TBX10: variants seen among roughly 807,000 people sequenced by gnomAD.
The protein encoded by TBX10 is T-box transcription factor 10.
Under a neutral mutation model 32.4 loss-of-function variants are expected in TBX10, and 26 were observed. That is an observed-to-expected ratio of 0.80 (90% CI 0.59 to 1.11). The LOEUF (loss-of-function observed/expected upper bound fraction) is 1.11, where lower values mean the gene tolerates loss of function less well. Among genes scored for constraint, TBX10 ranks in the 50% most tolerant of loss-of-function variants. The pLI, the probability that TBX10 is intolerant of heterozygous loss-of-function variation, is 0.00. For synonymous variants in TBX10, 195 were observed against 203.1 expected (o/e 0.96, Z 0.34); for missense variants, 490 against 494.5 (o/e 0.99, Z 0.09).
chr11:67,634,104 G>T, intron 4 of TBX10, 85 bp downstream of exon 4: 2 of 1,579,646 alleles, frequency 1.3e-6, no homozygotes, highest in Non-Finnish European at 1.7e-6. Context: ...AGGCAGAGGT[G>T]CTGGGCACCA....
In TBX10 at chr11:67,639,540, G is replaced by C; in HGVS notation, c.-68C>G. The C allele has an allele frequency of 6.2e-7, 1 of 1,607,844 alleles. No individual in the cohort carries two copies. The highest frequency in any genetic ancestry group is 8.5e-7 in the Non-Finnish European group (1 of 1,176,674). ...GCTGGGGCTGGGAACCTGCCTGCTG[G>C]AAGGGGTGGTCACCACTCGTCCACT... On this transcript the variant is annotated 5_prime_UTR_variant, in exon 1 of 8. Coordinates refer to ENST00000335385, the MANE Select transcript of TBX10 (RefSeq NM_005995.5).
At chr11:67,632,858 CTG>C in intron 5 of TBX10, 88 bp downstream of exon 5, 4 of 1,604,666 alleles carry the variant, frequency 2.5e-6, no homozygotes, top group African/African-American at 1.3e-5. Flanking sequence ...GGGCAGTAGT[CTG>C]TGCCAGTGAG....
In TBX10 at chr11:67,634,747, G is replaced by GAAA. The variant is rs1451827905; in HGVS notation, c.377+68_377+69insTTT. 3 of 1,488,148 alleles carry GAAA rather than the reference G, an allele frequency of 2.0e-6. No homozygotes were observed. In the African/African-American group the frequency reaches 4.1e-5, roughly 21 times the overall value. 92.2% of individuals were successfully genotyped at this position (1,488,148 alleles called of 1,614,324 possible). On this transcript the variant is annotated intron_variant, in intron 3 of 7. Coordinates refer to ENST00000335385, the MANE Select transcript of TBX10 (RefSeq NM_005995.5). ...ACAGGCCCCTGCCTCACCTTGGGGT[G>GAAA]CAGGAAGGGTCTAATTCCTGGTCTC...
At chr11:67,636,240 C>G (rs1485320147) in intron 1 of TBX10, among the ~76,000 whole-genome samples, 2 of 117,666 alleles carry the variant, frequency 1.7e-5, no homozygotes, top group African/African-American at 5.3e-5. Flanking sequence ...CACCACCACA[C>G]ACGGCTACTT....
At chr11:67,639,393 TCCCACCCTGCCCA>T in intron 1 of TBX10, 60 bp downstream of exon 1, 11 of 726,854 alleles carry the variant, frequency 1.5e-5, no homozygotes, top group Non-Finnish European at 2.5e-5. Context: ...CTGTCTTGGT[TCCCACCCTGCCCA>T]CCCACCCTGG....
intron 1 of TBX10, among the ~76,000 whole-genome samples, chr11:67,638,621 G>A (rs1384209705): frequency 6.6e-6 from 1 of 152,240 alleles, no homozygotes; most frequent in Non-Finnish European, 1.5e-5. Context: ...CTCTTAGTAG[G>A]TGCCTGGGGA....
Position 67,632,385 on chromosome 11 carries a change from A to G in TBX10, c.801T>C (p.Ser267=). The G allele has an allele frequency of 6.2e-7, 1 of 1,613,076 alleles. No individual in the cohort carries two copies. The highest frequency in any genetic ancestry group is 8.5e-7 in the Non-Finnish European group (1 of 1,180,004). Residue 267 remains serine, a synonymous_variant, in exon 7 of 8, where the codon AGT becomes AGC. Transcript: ENST00000335385. ...GGCTGCTGTGACTCCGGGCTGGGAC[A>G]CTGAGCAGGGGCCGTGGGGCCACAG... ...SWPVAPRPLL[S]VPARSHSSLS...
Position 67,633,752 on chromosome 11 carries a change from C to T in TBX10, c.549+437G>A, listed in dbSNP as rs578252126. ...CAGCACCCTTTCTCCGCCCCCCTTC[C>T]GTACCTCTGCTTCCTCTTTGGCATT... On this transcript the variant is annotated intron_variant, in intron 4 of 7. Coordinates refer to ENST00000335385, the MANE Select transcript of TBX10 (RefSeq NM_005995.5). 9.2e-5 allele frequency among the ~76,000 whole-genome samples: 14 copies of T among 152,352 alleles called. No homozygotes were observed. The East Asian group carries it at 1.7e-3, about 19-fold the overall frequency.
At chr11:67,636,242 C>T (rs999902548) in intron 1 of TBX10, among the ~76,000 whole-genome samples, 5 of 106,670 alleles carry the variant, frequency 4.7e-5, no homozygotes, top group African/African-American at 8.2e-5. Flanking sequence ...CCACCACACA[C>T]GGCTACTTTT....
At chr11:67,635,297 C>T (rs1855311498) in intron 1 of TBX10, 34 bp from the exon 2 acceptor site, 27 of 1,612,110 alleles carry the variant, frequency 1.7e-5, no homozygotes, top group Non-Finnish European at 2.3e-5. Flanking sequence ...GGGCCCCACG[C>T]ATCACCCAGC....
At chr11:67,639,390 G>T in intron 1 of TBX10, 76 bp downstream of exon 1, 2 of 784,160 alleles carry the variant, frequency 2.6e-6, no homozygotes, top group Non-Finnish European at 4.6e-6. Flanking sequence ...GGGCTGTCTT[G>T]GTTCCCACCC....
upstream of TBX10, among the ~76,000 whole-genome samples, chr11:67,640,216 T>C (rs953452115): frequency 6.6e-6 from 1 of 152,228 alleles, no homozygotes; most frequent in Non-Finnish European, 1.5e-5. Context: ...GCCCAGGTCC[T>C]GTGGCACGTG....
intron 4 of TBX10, among the ~76,000 whole-genome samples, chr11:67,633,328 C>T (rs368250548): frequency 6.6e-6 from 1 of 152,130 alleles, no homozygotes; most frequent in South Asian, 2.1e-4. Flanking sequence ...ATCCCAGCTG[C>T]CACCCACTGC....
chr11:67,638,209 A>AT (rs1855356691), intron 1 of TBX10, among the ~76,000 whole-genome samples: 2 of 147,882 alleles, frequency 1.4e-5, no homozygotes, highest in Admixed American at 6.7e-5. Context: ...CTCTGTCTCA[A>AT]AAAATAAATA....
At chr11:67,633,956 C>T (rs528938618) in intron 4 of TBX10, among the ~76,000 whole-genome samples, 6 of 152,272 alleles carry the variant, frequency 3.9e-5, no homozygotes, top group South Asian at 2.1e-4. Context: ...CCTCTCCTTG[C>T]GGGGGACAAC....
At chr11:67,636,348 G>A (rs1855327654) in intron 1 of TBX10, among the ~76,000 whole-genome samples, 1 of 151,136 alleles carries the variant, frequency 6.6e-6, no homozygotes, top group African/African-American at 2.4e-5. Flanking sequence ...CTCCTAAAGT[G>A]TTGGGATTAC....
At chr11:67,638,427 CTG>C (rs2134102451) in intron 1 of TBX10, among the ~76,000 whole-genome samples, 1 of 152,298 alleles carries the variant, frequency 6.6e-6, no homozygotes, top group Non-Finnish European at 1.5e-5. Context: ...TTATTCCCAG[CTG>C]TGTCCCCACC....
At position 67,639,340 on chromosome 11, in the gene TBX10, G is replaced by A. The variant is rs900848229; in HGVS notation, c.7+126C>T. The A allele has an allele frequency of 4.4e-6, 6 of 1,370,878 alleles. No homozygotes were observed. In the African/African-American group the frequency reaches 8.6e-5, roughly 20 times the overall value. The allele number at this position is 1,370,878 out of a possible 1,614,324, so 84.9% of individuals were successfully genotyped here. On this transcript the variant is annotated intron_variant, in intron 1 of 7. Coordinates refer to ENST00000335385, the MANE Select transcript of TBX10 (RefSeq NM_005995.5). ...GGGATCTCAGACCTTAGCCTGGGGTGCCCCTGCCCCACCCTCTTGTGAAGG... is the reference window on the plus strand; with the variant it reads ...GGGATCTCAGACCTTAGCCTGGGGTACCCCTGCCCCACCCTCTTGTGAAGG...
At position 67,634,363 on chromosome 11, in the gene TBX10, G is replaced by A. The variant is rs774083949; in HGVS notation, c.378-3C>T. On this transcript the variant is annotated splice_region_variant and splice_polypyrimidine_tract_variant and intron_variant, in intron 3 of 7. Coordinates refer to ENST00000335385, the MANE Select transcript of TBX10 (RefSeq NM_005995.5). ...AGGCCGAGCTGTGGAAGGCATACCT[G>A]GGGAGCACAGCGAGGTGGTGAGGGC... is the stretch of plus-strand genomic sequence containing the variant. The A allele has an allele frequency of 6.2e-7, 1 of 1,601,430 alleles. No individual in the cohort carries two copies. The highest frequency in any genetic ancestry group is 1.3e-5 in the African/African-American group (1 of 74,936).
Sources: gnomAD v4.1 joint callset for allele counts (sites outside exome capture counted in the v4.1 genomes callset) on GRCh38, gnomAD v4.1.1 for gene constraint, MANE v1.5 for transcripts, NCBI Gene and HGNC (gene_info 2026-07-23, HGNC 2026-07-21) for gene names.